Variants in DDX10 observed in about 807,000 individuals in gnomAD.
The protein encoded by DDX10 is probable ATP-dependent RNA helicase DDX10.
DDX10 carries 74 observed loss-of-function variants against 104.3 expected under a neutral mutation model. The observed-to-expected ratio is 0.71, with a 90% CI of 0.59 to 0.86. The LOEUF (loss-of-function observed/expected upper bound fraction) is 0.86. Among genes scored for constraint, DDX10 ranks in the 40% least tolerant of loss-of-function variants. The pLI is 0.00. For missense variants in DDX10, 952 were observed against 1,040.0 expected, an observed-to-expected ratio of 0.92 and a Z score of 1.16; for synonymous variants, 351 against 353.4, an observed-to-expected ratio of 0.99 and a Z score of 0.08.
intron 13 of DDX10, among the ~76,000 whole-genome samples, chr11:108,778,940 T>C (rs949617888): frequency 6.6e-6 from 1 of 152,188 alleles, no homozygotes; most frequent in Non-Finnish European, 1.5e-5. Context: ...GAAAAAATGC[T>C]CATCATCACT....
At chr11:108,912,026 T>C (rs1447747870) in intron 16 of DDX10, among the ~76,000 whole-genome samples, 1 of 152,178 alleles carries the variant, frequency 6.6e-6, no homozygotes, top group Non-Finnish European at 1.5e-5. Context: ...TTAAATATAT[T>C]ATGTACCTGT....
chr11:108,809,457 G>A (rs2134566386), intron 13 of DDX10, among the ~76,000 whole-genome samples: 1 of 152,344 alleles, frequency 6.6e-6, no homozygotes, highest in South Asian at 2.1e-4. Context: ...GTTTCTGCAA[G>A]TGTGAAACAC....
intron 13 of DDX10, among the ~76,000 whole-genome samples, chr11:108,817,271 A>C (rs1052012850): frequency 5.3e-5 from 8 of 152,216 alleles, no homozygotes; most frequent in Non-Finnish European, 1.2e-4. Flanking sequence ...TTCTTGTGTG[A>C]CTTTTTCTCT....
chr11:108,729,553 A>C (rs563277786), intron 13 of DDX10, among the ~76,000 whole-genome samples: 2 of 152,126 alleles, frequency 1.3e-5, no homozygotes, highest in Admixed American at 6.5e-5. Context: ...AAAACAAAAC[A>C]AGGAAGAACA....
At chr11:108,771,529 T>C (rs2094363123) in intron 13 of DDX10, among the ~76,000 whole-genome samples, 1 of 152,036 alleles carries the variant, frequency 6.6e-6, no homozygotes, top group African/African-American at 2.4e-5. Flanking sequence ...GTATCTTTAA[T>C]AGAGACAGGG....
intron 13 of DDX10, among the ~76,000 whole-genome samples, chr11:108,737,580 A>C (rs1034666991): frequency 2.6e-5 from 4 of 152,222 alleles, no homozygotes; most frequent in African/African-American, 9.6e-5. Flanking sequence ...TGGGCACTGT[A>C]AATGTCCCTG....
intron 16 of DDX10, among the ~76,000 whole-genome samples, chr11:108,872,243 TTCAAAG>T (rs1369862552): frequency 6.6e-6 from 1 of 152,236 alleles, no homozygotes; most frequent in Non-Finnish European, 1.5e-5. Flanking sequence ...ACTAATTGTA[TTCAAAG>T]TCAATTTTAC....
chr11:108,845,426 T>A (rs1440510621), intron 15 of DDX10, among the ~76,000 whole-genome samples: 1 of 152,216 alleles, frequency 6.6e-6, no homozygotes, highest in African/African-American at 2.4e-5. Context: ...TCTTAGTTCT[T>A]TTAGTGTAGG....
intron 15 of DDX10, among the ~76,000 whole-genome samples, chr11:108,845,533 C>T (rs1043146069): frequency 4.6e-5 from 7 of 151,798 alleles, no homozygotes; most frequent in Non-Finnish European, 8.8e-5. Context: ...ACTGTATGTC[C>T]CCAAAGAATA....
intron 1 of DDX10, among the ~76,000 whole-genome samples, chr11:108,672,123 T>C (rs182973464): frequency 6.6e-6 from 1 of 151,850 alleles, no homozygotes; most frequent in Admixed American, 6.6e-5. Flanking sequence ...TAATGCTTGA[T>C]TGAAGAGTGT....
intron 12 of DDX10, among the ~76,000 whole-genome samples, chr11:108,721,475 A>C (rs987901366): frequency 3.9e-5 from 6 of 152,208 alleles, no homozygotes; most frequent in African/African-American, 1.4e-4. Flanking sequence ...TAGGAAAGGC[A>C]CAGGTCTTTA....
intron 16 of DDX10, among the ~76,000 whole-genome samples, chr11:108,910,535 CT>C (rs1440237102): frequency 1.3e-5 from 2 of 152,142 alleles, no homozygotes; most frequent in Non-Finnish European, 2.9e-5. Flanking sequence ...ATATTTTCAC[CT>C]GACCTACTTG....
At chr11:108,719,994 C>G (rs1346819543) in intron 12 of DDX10, 109 bp downstream of exon 12, 2 of 731,532 alleles carry the variant, frequency 2.7e-6, no homozygotes, top group Non-Finnish European at 4.7e-6. Context: ...TCTCAAACCC[C>G]TGTGCTCCAG....
Position 108,679,544 on chromosome 11 carries a change from GA to G in DDX10, c.837del (p.Ala280GlnfsTer14), listed in dbSNP as rs867072454. 10 of 1,600,906 alleles carry G rather than the reference GA, an allele frequency of 6.2e-6. No homozygotes were observed. The highest frequency in any genetic ancestry group is 8.5e-6 in the Non-Finnish European group (10 of 1,176,622). On this transcript the variant is annotated frameshift_variant, in exon 6 of 18. Coordinates refer to ENST00000322536, the MANE Select transcript of DDX10 (RefSeq NM_004398.4). LOFTEE classifies it high-confidence loss of function. ...LKNPEYVWVHEKAKYSTPATL... is the reference protein window; with the variant it reads ...LKNPEYVWVHXKAKYSTPATL... ...AAACCCTGAGTATGTCTGGGTTCAT[GA>G]AAAAGCAAAATATAGGTATGTACTC... is the stretch of plus-strand genomic sequence containing the variant.
intron 16 of DDX10, among the ~76,000 whole-genome samples, chr11:108,898,491 A>C (rs1318248712): frequency 6.6e-6 from 1 of 152,078 alleles, no homozygotes; most frequent in Non-Finnish European, 1.5e-5. Flanking sequence ...AAATAAGATG[A>C]GAGGGACGCT....
intron 13 of DDX10, among the ~76,000 whole-genome samples, chr11:108,823,637 T>C (rs1327080541): frequency 1.3e-5 from 2 of 152,230 alleles, no homozygotes; most frequent in Non-Finnish European, 2.9e-5. Flanking sequence ...ATTCTCTCTC[T>C]ATGCACATGC....
At chr11:108,936,259 G>A (rs1302431945) in intron 17 of DDX10, among the ~76,000 whole-genome samples, 1 of 152,054 alleles carries the variant, frequency 6.6e-6, no homozygotes, top group African/African-American at 2.4e-5. Context: ...CCTTTCAGTG[G>A]CACACCAGAC....
At chr11:108,825,036 A>G in intron 13 of DDX10, among the ~76,000 whole-genome samples, 1 of 152,234 alleles carries the variant, frequency 6.6e-6, no homozygotes, top group East Asian at 1.9e-4. Context: ...TTAAGTAAGG[A>G]AAATGGCATG....
At chr11:108,716,401 T>C (rs1157328614) in intron 11 of DDX10, among the ~76,000 whole-genome samples, 1 of 152,202 alleles carries the variant, frequency 6.6e-6, no homozygotes, top group Non-Finnish European at 1.5e-5. Context: ...CTGGCCAGTC[T>C]AGCTTATTCT....
Sources: gnomAD v4.1 joint callset for allele counts (sites outside exome capture counted in the v4.1 genomes callset) on GRCh38, gnomAD v4.1.1 for gene constraint, MANE v1.5 for transcripts, NCBI Gene and HGNC (gene_info 2026-07-23, HGNC 2026-07-21) for gene names.